RAPGEF3: variants seen among roughly 807,000 people sequenced by gnomAD.
RAPGEF3 encodes the protein 9330170P05Rik.
RAPGEF3 carries 103 observed loss-of-function variants against 129.8 expected under a neutral mutation model. That is an observed-to-expected ratio of 0.79 (90% CI 0.68 to 0.93). The LOEUF is 0.93. Among genes scored for constraint, RAPGEF3 ranks in the 40% least tolerant of loss-of-function variants. RAPGEF3 has a pLI of 0.00. For synonymous variants in RAPGEF3, 436 were observed against 482.6 expected (o/e 0.90, Z 1.26); for missense variants, 1,117 against 1,207.4 (o/e 0.93, Z 1.11).
Position 47,737,033 on chromosome 12 carries a change from A to G in RAPGEF3, c.*534T>C, listed in dbSNP as rs535434692. On this transcript the variant is annotated 3_prime_UTR_variant, in exon 28 of 28. Coordinates refer to ENST00000449771, the MANE Select transcript of RAPGEF3 (RefSeq NM_001098531.4). ...ACATACTACTATGTTGACAGTAACAATAAAGCTCCTCAGGGACCACCGCAC... is the reference window on the plus strand; with the variant it reads ...ACATACTACTATGTTGACAGTAACAGTAAAGCTCCTCAGGGACCACCGCAC... The G allele has an allele frequency of 4.4e-5, 7 of 158,498 alleles. No homozygotes were observed. The South Asian group carries it at 1.3e-3, about 30-fold the overall frequency. The allele number at this position is 158,498 out of a possible 1,614,324, so 9.8% of individuals were successfully genotyped here. A position where few individuals can be genotyped will look rare whatever the true frequency, so the allele number is the denominator to read the frequency against.
Position 47,738,102 on chromosome 12 carries a change from G to T in RAPGEF3, c.2582-9C>A, listed in dbSNP as rs781347864. ...GAGTGGTGAGAGAGGCACTGCGGGG[G>T]TGGGGAGGGGTCATGGAGTCAGGGC... On this transcript the variant is annotated splice_polypyrimidine_tract_variant and intron_variant, in intron 26 of 27. Coordinates refer to ENST00000449771, the MANE Select transcript of RAPGEF3 (RefSeq NM_001098531.4). 3 of 1,614,114 alleles carry T rather than the reference G, an allele frequency of 1.9e-6. No homozygotes were observed. Among genetic ancestry groups the T allele is most frequent in the African/African-American group, 1.3e-5 (1 of 75,052 alleles).
intron 11 of RAPGEF3, 134 bp from the exon 12 acceptor site, chr12:47,748,676 G>A: frequency 9.9e-7 from 1 of 1,014,694 alleles, no homozygotes; most frequent in Non-Finnish European, 1.5e-6. Flanking sequence ...GGAGGAGACT[G>A]GCTCAGCAGG....
intron 24 of RAPGEF3, 135 bp from the exon 25 acceptor site, chr12:47,738,889 C>T (rs1940962725): frequency 1.2e-6 from 1 of 842,426 alleles, no homozygotes; most frequent in South Asian, 1.5e-5. Context: ...CTCCAAGCCC[C>T]AGCAGCATTT....
intron 25 of RAPGEF3, 70 bp downstream of exon 25, chr12:47,738,620 C>G: frequency 7.4e-7 from 1 of 1,355,466 alleles, no homozygotes; most frequent in South Asian, 1.2e-5. Context: ...CCAAGCCCTG[C>G]CCCTTCCCAG....
chr12:47,755,008 T>C (rs1941967878), intron 2 of RAPGEF3, among the ~76,000 whole-genome samples: 1 of 152,214 alleles, frequency 6.6e-6, no homozygotes, highest in Non-Finnish European at 1.5e-5. Flanking sequence ...ACCAGTTCCC[T>C]TGGGCCATAG....
rs1411048812 is a variant in RAPGEF3 at position 47,747,610 on chromosome 12, A to G, written c.1490T>C (p.Val497Ala). The G allele has an allele frequency of 1.9e-6, 3 of 1,614,022 alleles. No homozygotes were observed. In the East Asian group the frequency reaches 6.7e-5, roughly 36 times the overall value. Residue 497 changes from valine to alanine, a missense_variant, in exon 15 of 28, where the codon GTG (valine) becomes GCG (alanine). Val to Ala is a moderately conservative substitution (Grantham distance 64). Coordinates refer to ENST00000449771, the MANE Select transcript of RAPGEF3 (RefSeq NM_001098531.4). ...GTTGCTGAGTCGGGTGTCCCTGCCC[A>G]CCAGGTCTGAGAGTTTCTAAGAAGA... is the stretch of plus-strand genomic sequence containing the variant. ...TSFLQKLSDL[V>A]GRDTRLSNLL...
rs758350081 is a variant in RAPGEF3, at chr12:47,737,558, A to C, written c.*9T>G. The C allele has an allele frequency of 2.5e-6, 4 of 1,609,722 alleles. No individual in the cohort carries two copies. In the South Asian group the frequency reaches 4.4e-5, roughly 18 times the overall value. On this transcript the variant is annotated 3_prime_UTR_variant, in exon 28 of 28. Coordinates refer to ENST00000449771, the MANE Select transcript of RAPGEF3 (RefSeq NM_001098531.4). ...AAGTGCCTGCTCCAGCTCCAGTCCC[A>C]GCCCCTCCTCATGGCTCCAGCTCTC... is the stretch of plus-strand genomic sequence containing the variant.
rs1245415050 is a variant in RAPGEF3, at chr12:47,749,821, A to G, written c.818-4T>C. On this transcript the variant is annotated splice_polypyrimidine_tract_variant and splice_region_variant and intron_variant, in intron 8 of 27. Coordinates refer to ENST00000449771, the MANE Select transcript of RAPGEF3 (RefSeq NM_001098531.4). The surrounding 1 kb of genome is among the most constrained non-coding windows in gnomAD (Gnocchi z 4.5). The stretch of plus-strand genomic sequence containing the variant: ...CCCTTGTCCCCCTGGCTGAACACTG[A>G]CAGAAGCATACCTCAGACCGGGCCC... The G allele has an allele frequency of 6.2e-7, 1 of 1,614,184 alleles. No homozygotes were observed. The highest frequency in any genetic ancestry group is 1.7e-5 in the Admixed American group (1 of 60,026).
At position 47,749,312 on chromosome 12, in the gene RAPGEF3, G is replaced by GCT; in HGVS notation, c.1041+76_1041+77dup. ...CTGCCCTGCTTCTTACAGGCCCTCTGCTCTGGTCCCTACTCCTCTCTCCAC... is the reference window on the plus strand; with the variant it reads ...CTGCCCTGCTTCTTACAGGCCCTCTGCTCTCTGGTCCCTACTCCTCTCTCCAC... On this transcript the variant is annotated intron_variant, in intron 10 of 27. Coordinates refer to ENST00000449771, the MANE Select transcript of RAPGEF3 (RefSeq NM_001098531.4). This position sits in a 1 kb window ranked among gnomAD's most constrained non-coding sequence, Gnocchi z 4.5. The GCT allele has an allele frequency of 6.5e-7, 1 of 1,546,694 alleles. No homozygotes were observed. Among genetic ancestry groups the GCT allele is most frequent in the East Asian group, 2.2e-5 (1 of 44,452 alleles).
rs772371180 is a variant in RAPGEF3, at chr12:47,740,194, G to A, written c.2323-3C>T. The A allele has an allele frequency of 3.7e-6, 6 of 1,613,852 alleles. No individual in the cohort carries two copies. Among genetic ancestry groups the A allele is most frequent in the African/African-American group, 1.3e-5 (1 of 75,056 alleles). The stretch of plus-strand genomic sequence containing the variant: ...TTCCGGACTTTGTGAGGCAGCCGCT[G>A]TGAAAAGGAGGCAGATGAGCGGCTG... On this transcript the variant is annotated splice_polypyrimidine_tract_variant and splice_region_variant and intron_variant, in intron 22 of 27. Coordinates refer to ENST00000449771, the MANE Select transcript of RAPGEF3 (RefSeq NM_001098531.4).
intron 20 of RAPGEF3, 29 bp from the exon 21 acceptor site, chr12:47,740,852 G>A (rs747700468): frequency 6.8e-6 from 11 of 1,613,366 alleles, no homozygotes; most frequent in Admixed American, 6.7e-5. Context: ...AGAGGTCAGC[G>A]AGTGCTGAGC....
Position 47,751,083 on chromosome 12 carries a change from C to G in RAPGEF3, c.636G>C (p.Gly212=). The G allele has an allele frequency of 1.3e-6, 2 of 1,594,500 alleles. No homozygotes were observed. Among genetic ancestry groups the G allele is most frequent in the South Asian group, 1.1e-5 (1 of 87,284 alleles). The stretch of plus-strand genomic sequence containing the variant: ...GTGCCACAGTGAGCAGGGCGTCAGG[C>G]CCCCGCTGGGAGAGCAGGGCCACAG... The part of the protein sequence containing the change: ...AEAVALLSQR[G]PDALLTVALR... The change falls in exon 6 of 28, where the codon GGG becomes GGC. Residue 212 remains glycine (G), a synonymous_variant. Coordinates refer to ENST00000449771, the MANE Select transcript of RAPGEF3 (RefSeq NM_001098531.4).
chr12:47,738,156 G>A (rs1480587816), intron 26 of RAPGEF3, 37 bp downstream of exon 26: 4 of 1,613,912 alleles, frequency 2.5e-6, no homozygotes, highest in East Asian at 2.2e-5. Flanking sequence ...AGGATGTAGG[G>A]TGGGGGACCT....
chr12:47,742,972 C>G (rs1941242880), intron 18 of RAPGEF3, among the ~76,000 whole-genome samples: 1 of 152,200 alleles, frequency 6.6e-6, no homozygotes, highest in Non-Finnish European at 1.5e-5. Flanking sequence ...AGTTCCAAGA[C>G]CAGCTACTCT....
In RAPGEF3 at chr12:47,747,721, G is replaced by T; in HGVS notation, c.1464C>A (p.Ser488Arg). 6.2e-7 allele frequency: 1 copy of T among 1,610,910 alleles called. No homozygotes were observed. Among genetic ancestry groups the T allele is most frequent in the Non-Finnish European group, 8.5e-7 (1 of 1,179,462 alleles). Reference protein sequence around the residue: ...SMLHTDPVATSFLQKLSDLVG... With the variant: ...SMLHTDPVATRFLQKLSDLVG... Reference sequence around the variant, plus strand: ...CCTCACTCCCAGGTACCTGGAGGAAGCTGGTGGCCACAGGGTCAGTGTGGA... The same window carrying T: ...CCTCACTCCCAGGTACCTGGAGGAATCTGGTGGCCACAGGGTCAGTGTGGA... The change falls in exon 14 of 28, where the codon AGC becomes AGA. Residue 488 changes from serine (S) to arginine (R), a missense_variant. Ser to Arg is a moderately radical substitution (Grantham distance 110). Transcript: ENST00000449771.
Position 47,750,415 on chromosome 12 carries a change from G to A in RAPGEF3, c.682C>T (p.Arg228Cys), listed in dbSNP as rs145043427. 57 of 1,613,120 alleles carry A rather than the reference G, an allele frequency of 3.5e-5. 1 individual carries two copies. Among genetic ancestry groups the A allele is most frequent in the African/African-American group, 3.1e-4 (23 of 74,910 alleles). Residue 228 changes from arginine (R) to cysteine (C), a missense_variant, in exon 7 of 28, where the codon CGC (arginine) becomes TGC (cysteine). Physicochemically the swap from Arg to Cys is radical, Grantham distance 180. Coordinates refer to ENST00000449771, the MANE Select transcript of RAPGEF3 (RefSeq NM_001098531.4). Reference sequence around the variant, plus strand: ...ATGAGGTCCAGCTCTTCATCCGTGCGCTGACCTGGGCTGCAGGGACAGGAG... The same window carrying A: ...ATGAGGTCCAGCTCTTCATCCGTGCACTGACCTGGGCTGCAGGGACAGGAG... ...TVALRKPPGQ[R>C]TDEELDLIFE...
At chr12:47,750,940 T>C (rs1941703810) in intron 6 of RAPGEF3, 108 bp downstream of exon 6, 1 of 1,474,456 alleles carries the variant, frequency 6.8e-7, no homozygotes, top group Non-Finnish European at 9.1e-7. Flanking sequence ...CCAGGTTCCC[T>C]TCCCTCCACA....
Position 47,758,719 on chromosome 12 carries a change from A to C in RAPGEF3, c.-163T>G. 1 of 1,230,606 alleles carries C rather than the reference A, an allele frequency of 8.1e-7. No individual in the cohort carries two copies. The highest frequency in any genetic ancestry group is 1.0e-6 in the Non-Finnish European group (1 of 965,246). 76.2% of individuals were successfully genotyped at this position (1,230,606 alleles called of 1,614,324 possible). A position where few individuals can be genotyped will look rare whatever the true frequency, so the allele number is the denominator to read the frequency against. ...TAGCTGGACTGGCTGCCAGGGCAGC[A>C]GGATGCAGGGCTCGGTGGAGAGGCT... is the stretch of plus-strand genomic sequence containing the variant. On this transcript the variant is annotated 5_prime_UTR_variant, in exon 1 of 28. Coordinates refer to ENST00000449771, the MANE Select transcript of RAPGEF3 (RefSeq NM_001098531.4).
At position 47,736,405 on chromosome 12, in the gene RAPGEF3, G is replaced by A. The variant is rs1940800876; in HGVS notation, c.*1162C>T. On this transcript the variant is annotated 3_prime_UTR_variant, in exon 28 of 28. Transcript: ENST00000449771. ...TCTGGCCAGACAAGTGCCTCCTGCT[G>A]CCAGGACTCAGGGCAATAGCAAGGC... The A allele has an allele frequency of 6.6e-6, 1 of 152,270 alleles. No homozygotes were observed. The highest frequency in any genetic ancestry group is 1.5e-5 in the Non-Finnish European group (1 of 68,076). 9.4% of individuals were successfully genotyped at this position (152,270 alleles called of 1,614,324 possible). A position where few individuals can be genotyped will look rare whatever the true frequency, so the allele number is the denominator to read the frequency against.
Sources: gnomAD v4.1 joint callset for allele counts (sites outside exome capture counted in the v4.1 genomes callset) on GRCh38, gnomAD v4.1.1 for gene constraint, Gnocchi (gnomAD v3.1) non-coding constraint, MANE v1.5 for transcripts, NCBI Gene and HGNC (gene_info 2026-07-23, HGNC 2026-07-21) for gene names.